Variants in KAT6B observed in about 807,000 individuals in gnomAD.
KAT6B encodes histone acetyltransferase KAT6B.
KAT6B carries 10 observed loss-of-function variants against 187.5 expected under a neutral mutation model. The ratio of observed to expected loss-of-function variants is 0.05; its 90% CI spans 0.03 to 0.09. KAT6B has a LOEUF of 0.09. KAT6B is among the 10% of genes least tolerant of loss of function. The pLI, the probability that KAT6B is intolerant of heterozygous loss-of-function variation, is 1.00. For synonymous variants in KAT6B, 861 were observed against 926.8 expected, an observed-to-expected ratio of 0.93 and a Z score of 1.29; for missense variants, 1,952 against 2,558.9, an observed-to-expected ratio of 0.76 and a Z score of 5.12.
chr10:75,012,240 G>A (rs1418725250), intron 13 of KAT6B, among the ~76,000 whole-genome samples: 1 of 152,108 alleles, frequency 6.6e-6, no homozygotes, highest in African/African-American at 2.4e-5. Flanking sequence ...TTGAGCCGAG[G>A]AGTTTGAGAC....
In KAT6B at chr10:74,975,573, A is replaced by T; in HGVS notation, c.1236A>T (p.Lys412Asn). ...CCACTCGGCCTGGTGCCACCACCAAAATCACCACCACCTCCACCTACATTT... is the reference window on the plus strand; with the variant it reads ...CCACTCGGCCTGGTGCCACCACCAATATCACCACCACCTCCACCTACATTT... Reference protein sequence around the residue: ...TDPTRPGATTKITTTSTYISA... With the variant: ...TDPTRPGATTNITTTSTYISA... Residue 412 changes from lysine to asparagine, a missense_variant, in exon 8 of 18, where the codon AAA (lysine) becomes AAT (asparagine). Around this residue, in one of 9 missense-constraint regions of KAT6B, gnomAD observed 417 missense variants for 508.9 expected, o/e 0.82. Coordinates refer to ENST00000287239, the MANE Select transcript of KAT6B (RefSeq NM_012330.4). 1 of 1,614,046 alleles carries T rather than the reference A, an allele frequency of 6.2e-7. No individual in the cohort carries two copies. The highest frequency in any genetic ancestry group is 1.1e-5 in the South Asian group (1 of 91,072).
At chr10:74,962,083 G>A (rs1170483953) in intron 4 of KAT6B, among the ~76,000 whole-genome samples, 2 of 152,192 alleles carry the variant, frequency 1.3e-5, no homozygotes, top group Admixed American at 6.5e-5. Flanking sequence ...TAGTGTTGAA[G>A]TTCACTTAAT....
intron 3 of KAT6B, among the ~76,000 whole-genome samples, chr10:74,900,262 ATATCT>A (rs1468451944): frequency 1.3e-5 from 2 of 152,230 alleles, no homozygotes; most frequent in African/African-American, 4.8e-5. Flanking sequence ...CTAATTTAAA[ATATCT>A]TATTGAAATA....
At chr10:74,940,384 G>A (rs1402351961) in intron 3 of KAT6B, among the ~76,000 whole-genome samples, 4 of 147,592 alleles carry the variant, frequency 2.7e-5, no homozygotes, top group South Asian at 2.1e-4. Flanking sequence ...CAAGTGATTC[G>A]CCTGCCTCAG....
chr10:75,013,872 T>C (rs1844789918), intron 13 of KAT6B, among the ~76,000 whole-genome samples: 1 of 152,206 alleles, frequency 6.6e-6, no homozygotes. Context: ...CTGGGTAGTC[T>C]GGCTCCAGAG....
intron 3 of KAT6B, among the ~76,000 whole-genome samples, chr10:74,854,468 TC>T (rs935683417): frequency 6.6e-6 from 1 of 152,080 alleles, no homozygotes; most frequent in African/African-American, 2.4e-5. Flanking sequence ...GTATGTTTTT[TC>T]TGTTTTTTTT....
rs1846296480 is a variant in KAT6B, at chr10:75,031,176, T to TA, written c.*130_*131insA. On this transcript the variant is annotated 3_prime_UTR_variant, in exon 18 of 18. Transcript: ENST00000287239. Reference sequence around the variant, plus strand: ...AAAAACATTTGTTGGCACCATTTATTTAAAAAAAAAAAAAGCTGTATGCAG... The same window carrying TA: ...AAAAACATTTGTTGGCACCATTTATTATAAAAAAAAAAAAAGCTGTATGCAG... 10 of 1,069,276 alleles carry TA rather than the reference T, an allele frequency of 9.4e-6. No individual in the cohort carries two copies. The highest frequency in any genetic ancestry group is 5.2e-5 in the East Asian group (2 of 38,254). The allele number at this position is 1,069,276 out of a possible 1,614,324, so 66.2% of individuals were successfully genotyped here.
At chr10:74,894,737 G>A (rs1322379203) in intron 3 of KAT6B, among the ~76,000 whole-genome samples, 1 of 152,134 alleles carries the variant, frequency 6.6e-6, no homozygotes, top group African/African-American at 2.4e-5. Context: ...GTTGTAGCAT[G>A]TGACAAGATT....
intron 12 of KAT6B, among the ~76,000 whole-genome samples, chr10:74,988,413 T>C (rs1197377801): frequency 6.6e-6 from 1 of 152,226 alleles, no homozygotes; most frequent in Non-Finnish European, 1.5e-5. Flanking sequence ...GCTTTAGGGT[T>C]TCTTGTTGTT....
At chr10:74,842,102 A>T (rs1283816172) in intron 2 of KAT6B, among the ~76,000 whole-genome samples, 2 of 152,250 alleles carry the variant, frequency 1.3e-5, no homozygotes, top group African/African-American at 4.8e-5. Flanking sequence ...ATGTGATTCC[A>T]TAGAAGTAGC....
chr10:74,825,870 G>A (rs1028555633), upstream of KAT6B, among the ~76,000 whole-genome samples: 6 of 150,764 alleles, frequency 4.0e-5, no homozygotes, highest in South Asian at 2.1e-4. This position sits in a 1 kb window ranked among gnomAD's most constrained non-coding sequence, Gnocchi z 5.0. Flanking sequence ...GGGTGTGTTG[G>A]GGGGGGAAGG....
chr10:74,995,883 A>G (rs1209250925), intron 13 of KAT6B, among the ~76,000 whole-genome samples: 3 of 152,218 alleles, frequency 2.0e-5, no homozygotes, highest in Non-Finnish European at 4.4e-5. Context: ...TGGCTAGGTA[A>G]TAAGTGAGCA....
chr10:74,859,601 T>C (rs1348615426), intron 3 of KAT6B, among the ~76,000 whole-genome samples: 2 of 152,248 alleles, frequency 1.3e-5, no homozygotes, highest in East Asian at 1.9e-4. Context: ...AGCAGTCTTC[T>C]GCAGTTAGTT....
chr10:74,843,730 G>T (rs1011067844), intron 3 of KAT6B, among the ~76,000 whole-genome samples: 2 of 152,120 alleles, frequency 1.3e-5, no homozygotes, highest in South Asian at 2.1e-4. Flanking sequence ...CTAACTGGTT[G>T]GTGTCTGAAG....
At chr10:74,981,559 T>C (rs750018693) in intron 10 of KAT6B, among the ~76,000 whole-genome samples, 6 of 151,960 alleles carry the variant, frequency 3.9e-5, no homozygotes, top group Non-Finnish European at 7.4e-5. Flanking sequence ...TTTTTAGTAG[T>C]GATGAGGTTT....
At position 75,022,138 on chromosome 10, in the gene KAT6B, G is replaced by T; in HGVS notation, c.3279G>T (p.Glu1093Asp). Residue 1093 changes from glutamate to aspartate, a missense_variant, in exon 16 of 18, where the codon GAG (glutamate) becomes GAT (aspartate). By Grantham distance (45) the Glu-to-Asp change is conservative. Around this residue, in one of 9 missense-constraint regions of KAT6B, gnomAD observed 758 missense variants for 891.4 expected, o/e 0.85. Coordinates refer to ENST00000287239, the MANE Select transcript of KAT6B (RefSeq NM_012330.4). ...EEEEEEEDEE[E>D]EEEEEEEEEE... ...AAGAAGAGGAAGAGGATGAAGAGGA[G>T]GAAGAAGAGGAAGAAGAAGAAGAAG... is the stretch of plus-strand genomic sequence containing the variant. The T allele has an allele frequency of 1.3e-6, 2 of 1,585,352 alleles. No homozygotes were observed. Among genetic ancestry groups the T allele is most frequent in the Non-Finnish European group, 1.7e-6 (2 of 1,177,698 alleles).
At chr10:74,911,448 A>G (rs917309927) in intron 3 of KAT6B, among the ~76,000 whole-genome samples, 2 of 151,806 alleles carry the variant, frequency 1.3e-5, no homozygotes, top group African/African-American at 2.4e-5. Context: ...TTGTATTTTT[A>G]GTAGAGACAG....
chr10:74,961,737 A>C (rs1239143274), intron 4 of KAT6B, among the ~76,000 whole-genome samples: 1 of 152,206 alleles, frequency 6.6e-6, no homozygotes, highest in Non-Finnish European at 1.5e-5. Context: ...GAGGTCACTG[A>C]AAATTTCTTT....
At chr10:74,920,512 TA>T (rs1404455365) in intron 3 of KAT6B, among the ~76,000 whole-genome samples, 1 of 152,224 alleles carries the variant, frequency 6.6e-6, no homozygotes, top group Non-Finnish European at 1.5e-5. Flanking sequence ...CTGTCCTCAT[TA>T]GAAGAGTGCC....
Sources: allele counts gnomAD v4.1 joint callset (sites outside exome capture counted in the v4.1 genomes callset), GRCh38; gene constraint gnomAD v4.1.1; regional missense constraint gnomAD v4.1.1; non-coding constraint Gnocchi (gnomAD v3.1); transcripts MANE v1.5; gene names NCBI Gene and HGNC (gene_info 2026-07-23, HGNC 2026-07-21).